The following TSHZ2 variants were observed in gnomAD, a reference collection of about 807,000 sequenced individuals.
TSHZ2 encodes teashirt homolog 2.
In TSHZ2, 21 loss-of-function variants were observed where a neutral mutation model predicts 74.4. That is an observed-to-expected ratio of 0.28 (90% CI 0.20 to 0.41). The LOEUF is 0.41. Ranked by LOEUF, TSHZ2 falls within the 10% of genes least tolerant of loss-of-function variation. The pLI is 1.00. For synonymous variants in TSHZ2, 540 were observed against 515.3 expected, an observed-to-expected ratio of 1.05 and a Z score of -0.65; for missense variants, 1,244 against 1,293.5, an observed-to-expected ratio of 0.96 and a Z score of 0.59.
At chr20:53,276,949 C>T (rs1320462200) in intron 2 of TSHZ2, among the ~76,000 whole-genome samples, 1 of 152,174 alleles carries the variant, frequency 6.6e-6, no homozygotes, top group African/African-American at 2.4e-5. Flanking sequence ...CAAGTCAAAC[C>T]AACATAGGGG....
At chr20:53,060,850 A>C (rs539532246) in intron 1 of TSHZ2, among the ~76,000 whole-genome samples, 34 of 152,344 alleles carry the variant, frequency 2.2e-4, no homozygotes, top group African/African-American at 8.2e-4. Context: ...ATATCCTGGC[A>C]GCACTCAGAA....
At chr20:53,010,327 T>C (rs537312468) in intron 1 of TSHZ2, among the ~76,000 whole-genome samples, 2 of 152,300 alleles carry the variant, frequency 1.3e-5, no homozygotes, top group African/African-American at 2.4e-5. Flanking sequence ...CCCATTTTGA[T>C]TGGATCATCA....
chr20:53,225,703 C>T (rs1989669328), intron 1 of TSHZ2, among the ~76,000 whole-genome samples: 1 of 152,194 alleles, frequency 6.6e-6, no homozygotes, highest in South Asian at 2.1e-4. Flanking sequence ...TAAAATCACA[C>T]CGCTTGTTCA....
intron 1 of TSHZ2, among the ~76,000 whole-genome samples, chr20:52,997,266 G>GGC (rs1712688263): frequency 6.6e-6 from 1 of 150,892 alleles, no homozygotes; most frequent in African/African-American, 2.5e-5. Context: ...CCCCGGGGGG[G>GGC]GGTTCAGCAC....
intron 1 of TSHZ2, among the ~76,000 whole-genome samples, chr20:53,004,477 G>A (rs1323455485): frequency 2.0e-5 from 3 of 152,178 alleles, no homozygotes; most frequent in Non-Finnish European, 2.9e-5. Flanking sequence ...CCATGCAGGC[G>A]TTGCCCCGCC....
chr20:53,092,310 C>A (rs956024065), intron 1 of TSHZ2, among the ~76,000 whole-genome samples: 1 of 152,098 alleles, frequency 6.6e-6, no homozygotes, highest in South Asian at 2.1e-4. Flanking sequence ...AGTCAAGTGT[C>A]GACTGAAGCT....
intron 1 of TSHZ2, among the ~76,000 whole-genome samples, chr20:53,113,934 A>T (rs530542355): frequency 1.1e-4 from 16 of 152,034 alleles, no homozygotes; most frequent in Non-Finnish European, 1.5e-4. Context: ...ACCAAAAAAA[A>T]AGGTCCATAT....
intron 1 of TSHZ2, among the ~76,000 whole-genome samples, chr20:53,043,792 A>T (rs556619066): frequency 6.6e-6 from 1 of 152,316 alleles, no homozygotes; most frequent in African/African-American, 2.4e-5. Flanking sequence ...TAAAAAAAAA[A>T]ACTGATACCT....
At chr20:53,304,061 T>C (rs2145486494) in intron 2 of TSHZ2, among the ~76,000 whole-genome samples, 1 of 151,364 alleles carries the variant, frequency 6.6e-6, no homozygotes, top group Middle Eastern at 3.4e-3. Context: ...TATTATACTT[T>C]AAGTTTTAGG....
chr20:53,484,669 C>T (rs1465811654), intron 2 of TSHZ2, among the ~76,000 whole-genome samples: 1 of 151,960 alleles, frequency 6.6e-6, no homozygotes, highest in Non-Finnish European at 1.5e-5. Context: ...TACAGGCGTG[C>T]ACCACCATGC....
At chr20:53,325,935 C>G (rs912419751) in intron 2 of TSHZ2, among the ~76,000 whole-genome samples, 3 of 152,178 alleles carry the variant, frequency 2.0e-5, no homozygotes, top group African/African-American at 7.2e-5. Flanking sequence ...GCATCTGCCA[C>G]CACGCCCAGC....
intron 2 of TSHZ2, among the ~76,000 whole-genome samples, chr20:53,262,103 A>G (rs556612345): frequency 1.6e-3 from 248 of 152,262 alleles, no homozygotes; most frequent in African/African-American, 5.7e-3. Flanking sequence ...TAAGGCCTCT[A>G]GTAAGTAAAC....
chr20:53,371,256 C>T (rs467670), intron 2 of TSHZ2, among the ~76,000 whole-genome samples: 88,554 of 152,056 alleles, frequency 0.58, 29,741 homozygotes, highest in South Asian at 0.75. Flanking sequence ...ATGGATATGA[C>T]CTCTATTATA....
chr20:53,260,186 C>T (rs1990575081), intron 2 of TSHZ2, among the ~76,000 whole-genome samples: 1 of 152,160 alleles, frequency 6.6e-6, no homozygotes, highest in African/African-American at 2.4e-5. Context: ...TAATACTGAA[C>T]CAGAAGTTCT....
intron 2 of TSHZ2, among the ~76,000 whole-genome samples, chr20:53,335,120 C>T (rs1162210183): frequency 3.9e-5 from 6 of 152,148 alleles, no homozygotes; most frequent in African/African-American, 1.4e-4. Context: ...GTTCTCAAAA[C>T]GGGGTTCTTA....
Position 53,190,129 on chromosome 20 carries a change from A to ATTTT in TSHZ2, c.41-63369_41-63368insTTTT, listed in dbSNP as rs1187750796. On this transcript the variant is annotated intron_variant, in intron 1 of 2. Transcript: ENST00000371497. ...TATATATATATATATATATATATATATATATATATTTTCTTAAATGCCTCT... is the reference window on the plus strand; with the variant it reads ...TATATATATATATATATATATATATATTTTTATATATATTTTCTTAAATGCCTCT... Among the ~76,000 whole-genome samples, 3 of 87,824 alleles carry ATTTT rather than the reference A, an allele frequency of 3.4e-5. 1 individual carries two copies. Among genetic ancestry groups the ATTTT allele is most frequent in the African/African-American group, 1.5e-4 (3 of 20,640 alleles). The allele number at this position is 87,824 out of a possible 152,430, so 57.6% of individuals were successfully genotyped here. A position where few individuals can be genotyped will look rare whatever the true frequency, so the allele number is the denominator to read the frequency against.
chr20:53,278,414 C>G (rs991020394), intron 2 of TSHZ2, among the ~76,000 whole-genome samples: 6 of 152,192 alleles, frequency 3.9e-5, no homozygotes, highest in Non-Finnish European at 8.8e-5. Context: ...GATTGGACCT[C>G]CATGATGCTT....
chr20:53,326,089 G>A (rs1013872212), intron 2 of TSHZ2, among the ~76,000 whole-genome samples: 2 of 152,082 alleles, frequency 1.3e-5, no homozygotes, highest in Non-Finnish European at 2.9e-5. Context: ...ACCCAACCTT[G>A]GTATCTTAAA....
chr20:53,161,612 G>A (rs1164657741), intron 1 of TSHZ2, among the ~76,000 whole-genome samples: 1 of 152,186 alleles, frequency 6.6e-6, no homozygotes, highest in African/African-American at 2.4e-5. Flanking sequence ...GGAAAAGAGA[G>A]TACAAGCGAA....
Sources: gnomAD v4.1 joint callset for allele counts (sites outside exome capture counted in the v4.1 genomes callset) on GRCh38, gnomAD v4.1.1 for gene constraint, MANE v1.5 for transcripts, NCBI Gene and HGNC (gene_info 2026-07-23, HGNC 2026-07-21) for gene names.